The following GLIS3 variants were observed in gnomAD, a reference collection of about 807,000 sequenced individuals.
The protein encoded by GLIS3 is zinc finger protein GLIS3.
GLIS3 carries 53 observed loss-of-function variants against 78.6 expected under a neutral mutation model. That is an observed-to-expected ratio of 0.67 (90% CI 0.54 to 0.85). The LOEUF (loss-of-function observed/expected upper bound fraction) is 0.85. GLIS3 is among the 40% of genes least tolerant of loss of function. The pLI is 0.00. For missense variants in GLIS3, 1,703 were observed against 1,231.1 expected (o/e 1.38, Z -5.74); for synonymous variants, 684 against 509.9 (o/e 1.34, Z -4.60).
At chr9:3,990,341 A>G (rs1313055194) in intron 4 of GLIS3, among the ~76,000 whole-genome samples, 3 of 152,200 alleles carry the variant, frequency 2.0e-5, no homozygotes, top group Admixed American at 1.3e-4. Context: ...ATCAACTGGC[A>G]ATTACTGATA....
intron 9 of GLIS3, among the ~76,000 whole-genome samples, chr9:3,848,143 C>T (rs747523890): frequency 6.6e-6 from 1 of 152,206 alleles, no homozygotes; most frequent in Non-Finnish European, 1.5e-5. Flanking sequence ...TTCATAACCT[C>T]ATATATGCAG....
chr9:4,404,611 T>G, the GLIS3 span, among the ~76,000 whole-genome samples: 5 of 152,210 alleles, frequency 3.3e-5, no homozygotes, highest in Non-Finnish European at 7.3e-5. Context: ...AACATGCTCC[T>G]GAATGACCTG....
the GLIS3 span, among the ~76,000 whole-genome samples, chr9:4,378,600 C>T: frequency 2.4e-4 from 36 of 152,020 alleles, no homozygotes; most frequent in Non-Finnish European, 3.4e-4. Context: ...GGTACAATAA[C>T]TATATATATA....
Position 3,894,371 on chromosome 9 carries a change from CAG to C in GLIS3, c.2128+4318_2128+4319del, listed in dbSNP as rs1822673921. 3.9e-5 allele frequency among the ~76,000 whole-genome samples: 6 copies of C among 152,270 alleles called. No individual in the cohort carries two copies. In the South Asian group the frequency reaches 1.2e-3, roughly 32 times the overall value. On this transcript the variant is annotated intron_variant, in intron 7 of 10. Coordinates refer to ENST00000381971, the MANE Select transcript of GLIS3 (RefSeq NM_001042413.2). ...TAACTTAATAACCATTTTCTGAGAA[CAG>C]ACTATATGAAGCACTTTTACAGAAA...
chr9:3,861,586 C>T (rs1820217692), intron 8 of GLIS3, among the ~76,000 whole-genome samples: 1 of 152,088 alleles, frequency 6.6e-6, no homozygotes, highest in Non-Finnish European at 1.5e-5. Flanking sequence ...ACATATACAC[C>T]ATGAAATACT....
the GLIS3 span, among the ~76,000 whole-genome samples, chr9:4,470,926 T>C: frequency 1.3e-5 from 2 of 152,090 alleles, no homozygotes; most frequent in Non-Finnish European, 2.9e-5. Context: ...CAAAAATCAA[T>C]GTGCAAAAAT....
chr9:3,990,705 A>C (rs534182461), intron 4 of GLIS3, among the ~76,000 whole-genome samples: 1 of 152,366 alleles, frequency 6.6e-6, no homozygotes, highest in East Asian at 1.9e-4. Context: ...TCAGACAGCC[A>C]AGGGTGTAAC....
chr9:3,912,842 C>T (rs1003578522), intron 6 of GLIS3, among the ~76,000 whole-genome samples: 1 of 152,166 alleles, frequency 6.6e-6, no homozygotes, highest in Non-Finnish European at 1.5e-5. Context: ...CCCCTTCACC[C>T]TTTGGGGCCT....
chr9:4,244,396 G>A (rs577568358), intron 2 of GLIS3, among the ~76,000 whole-genome samples: 2 of 152,284 alleles, frequency 1.3e-5, no homozygotes, highest in East Asian at 3.9e-4. Flanking sequence ...GCTTATGACA[G>A]GCGTATGCTG....
intron 4 of GLIS3, among the ~76,000 whole-genome samples, chr9:4,081,780 T>G (rs1392564134): frequency 6.6e-6 from 1 of 152,162 alleles, no homozygotes; most frequent in Non-Finnish European, 1.5e-5. Flanking sequence ...AATTCTATCA[T>G]AAATTAGCCA....
intron 1 of GLIS3, among the ~76,000 whole-genome samples, chr9:4,288,733 T>C (rs997688908): frequency 6.6e-5 from 4 of 60,482 alleles, no homozygotes; most frequent in Non-Finnish European, 1.6e-4. Flanking sequence ...TAGTTTTAGG[T>C]TGAAAGTAAA....
At chr9:3,840,177 C>G (rs1362037500) in intron 9 of GLIS3, among the ~76,000 whole-genome samples, 1 of 152,178 alleles carries the variant, frequency 6.6e-6, no homozygotes, top group Non-Finnish European at 1.5e-5. Context: ...TTAAGTTCAA[C>G]TATGTAACCA....
the GLIS3 span, among the ~76,000 whole-genome samples, chr9:4,370,649 T>C: frequency 3.9e-5 from 6 of 151,910 alleles, no homozygotes; most frequent in African/African-American, 1.2e-4. Flanking sequence ...AAACATGCTA[T>C]ATTTAATATG....
chr9:3,990,105 T>C (rs1267920923), intron 4 of GLIS3, among the ~76,000 whole-genome samples: 2 of 152,170 alleles, frequency 1.3e-5, no homozygotes, highest in African/African-American at 4.8e-5. Context: ...AACCAGGAAA[T>C]ATTACTACCA....
chr9:3,839,832 C>G (rs998446232), intron 9 of GLIS3, among the ~76,000 whole-genome samples: 6 of 152,160 alleles, frequency 3.9e-5, no homozygotes, highest in Admixed American at 3.9e-4. Flanking sequence ...CAGATATTCT[C>G]ATTAGGGAGA....
chr9:4,117,107 G>T (rs1469974609), intron 4 of GLIS3, among the ~76,000 whole-genome samples: 1 of 152,094 alleles, frequency 6.6e-6, no homozygotes, highest in African/African-American at 2.4e-5. Flanking sequence ...AGCACCAAAG[G>T]CTTCCCTGCT....
upstream of GLIS3, among the ~76,000 whole-genome samples, chr9:4,300,251 C>T (rs1817009210): frequency 1.3e-5 from 2 of 151,662 alleles, no homozygotes; most frequent in South Asian, 4.2e-4. Context: ...CACACACTCC[C>T]CGTGCGCCAG....
chr9:4,010,538 G>C (rs190711554), intron 4 of GLIS3, among the ~76,000 whole-genome samples: 15 of 152,166 alleles, frequency 9.9e-5, no homozygotes, highest in Non-Finnish European at 8.8e-5. Context: ...TGAAGAAGAA[G>C]CCACAATTCC....
chr9:4,176,741 A>C (rs757086215), intron 2 of GLIS3, among the ~76,000 whole-genome samples: 1 of 152,142 alleles, frequency 6.6e-6, no homozygotes, highest in Non-Finnish European at 1.5e-5. Context: ...CTCCTGACTC[A>C]ACCTCCTGAG....
Sources: allele counts gnomAD v4.1 joint callset (sites outside exome capture counted in the v4.1 genomes callset), GRCh38; gene constraint gnomAD v4.1.1; transcripts MANE v1.5; gene names NCBI Gene and HGNC (gene_info 2026-07-23, HGNC 2026-07-21).